ERC2: variants seen among roughly 807,000 people sequenced by gnomAD.
ERC2 encodes the protein ERC protein 2.
A neutral mutation model predicts 114.8 loss-of-function variants in ERC2; 42 were observed. The observed-to-expected ratio is 0.37, with a 90% confidence interval of 0.29 to 0.47. ERC2 has a LOEUF of 0.47. Ranked by LOEUF, ERC2 falls within the 20% of genes least tolerant of loss-of-function variation. ERC2 has a pLI of 0.99. For missense variants in ERC2, 939 were observed against 1,150.7 expected, an observed-to-expected ratio of 0.82 and a Z score of 2.66; for synonymous variants, 454 against 425.5, an observed-to-expected ratio of 1.07 and a Z score of -0.82.
intron 6 of ERC2, among the ~76,000 whole-genome samples, chr3:56,084,318 A>C (rs879457671): frequency 6.6e-6 from 1 of 152,206 alleles, no homozygotes; most frequent in Non-Finnish European, 1.5e-5. Flanking sequence ...TTTCTCAAAT[A>C]ACTAAAAGTC....
chr3:55,661,127 A>G (rs1479899602), intron 17 of ERC2, among the ~76,000 whole-genome samples: 1 of 152,190 alleles, frequency 6.6e-6, no homozygotes, highest in Admixed American at 6.5e-5. Flanking sequence ...ACACATTACC[A>G]CACACTTAGT....
At chr3:55,721,696 G>A (rs1430614137) in intron 15 of ERC2, among the ~76,000 whole-genome samples, 1 of 152,170 alleles carries the variant, frequency 6.6e-6, no homozygotes, top group Admixed American at 6.5e-5. Context: ...GGGGAGGTGG[G>A]TTGCCTTGCT....
chr3:56,058,788 C>T (rs2076120367), intron 7 of ERC2, among the ~76,000 whole-genome samples: 1 of 152,332 alleles, frequency 6.6e-6, no homozygotes, highest in Non-Finnish European at 1.5e-5. Context: ...CTGCCAGCCT[C>T]TCCCATTAGA....
intron 2 of ERC2, among the ~76,000 whole-genome samples, chr3:56,406,885 A>G (rs373013414): frequency 6.6e-6 from 1 of 152,252 alleles, no homozygotes; most frequent in African/African-American, 2.4e-5. Flanking sequence ...AAACTAAAAA[A>G]AGTTTTAAAA....
At chr3:55,611,931 G>C (rs973567896) in intron 17 of ERC2, among the ~76,000 whole-genome samples, 4 of 152,184 alleles carry the variant, frequency 2.6e-5, no homozygotes, top group Non-Finnish European at 5.9e-5. Context: ...GCTGTATAAA[G>C]GACTGTCCCT....
chr3:56,458,678 C>T (rs1577059810), intron 1 of ERC2, among the ~76,000 whole-genome samples: 1 of 152,118 alleles, frequency 6.6e-6, no homozygotes. Context: ...ACTACCCAAC[C>T]TCCTGCTTCC....
At chr3:55,939,533 A>G (rs2066650991) in intron 13 of ERC2, among the ~76,000 whole-genome samples, 1 of 152,222 alleles carries the variant, frequency 6.6e-6, no homozygotes, top group Admixed American at 6.5e-5. Context: ...AATATGTATT[A>G]TTTTCCAGAG....
intron 7 of ERC2, among the ~76,000 whole-genome samples, chr3:56,043,524 GA>G (rs995195560): frequency 1.2e-4 from 17 of 147,056 alleles, no homozygotes; most frequent in African/African-American, 3.7e-4. Flanking sequence ...AAGACACTCA[GA>G]AAAAAAAAGA....
At chr3:55,598,220 T>C (rs970966249) in intron 17 of ERC2, among the ~76,000 whole-genome samples, 1 of 152,262 alleles carries the variant, frequency 6.6e-6, no homozygotes, top group Non-Finnish European at 1.5e-5. Flanking sequence ...CAAATTATCA[T>C]TTCTTATAAT....
At chr3:56,076,594 T>G (rs1468170447) in intron 7 of ERC2, among the ~76,000 whole-genome samples, 1 of 152,202 alleles carries the variant, frequency 6.6e-6, no homozygotes, top group Non-Finnish European at 1.5e-5. Flanking sequence ...ACACTTTTCA[T>G]ACATGTGCAT....
chr3:56,295,873 G>T, intron 3 of ERC2, 146 bp downstream of exon 3: 1 of 841,624 alleles, frequency 1.2e-6, no homozygotes, highest in Non-Finnish European at 1.8e-6. Context: ...CAGTTTAATG[G>T]TCTTAAGCCG....
chr3:56,359,144 C>T (rs2058852329), intron 2 of ERC2, among the ~76,000 whole-genome samples: 1 of 152,200 alleles, frequency 6.6e-6, no homozygotes, highest in African/African-American at 2.4e-5. Context: ...ATCACAATAT[C>T]ATCATGCCTC....
At chr3:56,060,434 G>A (rs1370200578) in intron 7 of ERC2, among the ~76,000 whole-genome samples, 1 of 152,242 alleles carries the variant, frequency 6.6e-6, no homozygotes, top group Non-Finnish European at 1.5e-5. Flanking sequence ...CCATGAGAAA[G>A]TTTTAGTACT....
At chr3:55,997,880 G>GTTGGTT (rs2071655455) in intron 10 of ERC2, among the ~76,000 whole-genome samples, 1 of 44,788 alleles carries the variant, frequency 2.2e-5, no homozygotes, top group African/African-American at 8.8e-5. Flanking sequence ...TCTTAATTCT[G>GTTGGTT]TTTTTTTTTT....
At chr3:56,235,416 TG>T (rs2150187928) in intron 3 of ERC2, among the ~76,000 whole-genome samples, 1 of 152,334 alleles carries the variant, frequency 6.6e-6, no homozygotes, top group South Asian at 2.1e-4. Flanking sequence ...TGAATACACA[TG>T]GGCAAGGCAA....
At chr3:55,828,147 A>G (rs1286499074) in intron 14 of ERC2, among the ~76,000 whole-genome samples, 2 of 152,262 alleles carry the variant, frequency 1.3e-5, no homozygotes, top group African/African-American at 4.8e-5. Flanking sequence ...AAAGCTGCAC[A>G]ATGGCAGGCA....
intron 17 of ERC2, among the ~76,000 whole-genome samples, chr3:55,549,885 T>C (rs1283441237): frequency 2.0e-5 from 3 of 151,340 alleles, no homozygotes; most frequent in Non-Finnish European, 4.4e-5. Flanking sequence ...CACCACCTCC[T>C]TTCTCTCTCT....
intron 14 of ERC2, among the ~76,000 whole-genome samples, chr3:55,864,249 G>GTA (rs1232787549): frequency 1.5e-4 from 22 of 143,894 alleles, no homozygotes; most frequent in South Asian, 4.3e-4. Flanking sequence ...GTGTATATAT[G>GTA]TATATATATG....
chr3:55,530,310 C>T (rs766626628), intron 17 of ERC2, among the ~76,000 whole-genome samples: 12 of 152,186 alleles, frequency 7.9e-5, no homozygotes, highest in Non-Finnish European at 1.5e-4. Context: ...GTCACAGCTA[C>T]TCAATTCTGC....
Sources: gnomAD v4.1 joint callset for allele counts (sites outside exome capture counted in the v4.1 genomes callset) on GRCh38, gnomAD v4.1.1 for gene constraint, MANE v1.5 for transcripts, NCBI Gene and HGNC (gene_info 2026-07-23, HGNC 2026-07-21) for gene names.